Variants in CRISPLD2 observed in about 807,000 individuals in gnomAD.
CRISPLD2 encodes cysteine rich secretory protein LCCL domain containing 2, also known as cysteine-rich secretory protein LCCL domain-containing 2.
Under a neutral mutation model 71.1 loss-of-function variants are expected in CRISPLD2, and 47 were observed. That is an observed-to-expected ratio of 0.66 (90% confidence interval 0.52 to 0.84). CRISPLD2 has a LOEUF of 0.84. CRISPLD2 is among the 40% of genes least tolerant of loss of function. The pLI, the probability that CRISPLD2 is intolerant of heterozygous loss-of-function variation, is 0.00. For missense variants in CRISPLD2, 830 were observed against 651.1 expected, an observed-to-expected ratio of 1.27 and a Z score of -2.99; for synonymous variants, 317 against 250.1, an observed-to-expected ratio of 1.27 and a Z score of -2.52.
rs762870007 is a variant in CRISPLD2, at chr16:84,906,621, GA to G, written c.1474del (p.Ile492SerfsTer43). 1 of 1,613,898 alleles carries G rather than the reference GA, an allele frequency of 6.2e-7. No individual in the cohort carries two copies. The highest frequency in any genetic ancestry group is 1.1e-5 in the South Asian group (1 of 91,056). ...CTCCTCGGGATGGAAAGGCCTTCCG[GA>G]TCTTTGCTGTCAGGCAGTGAATTTC... ...GTPRDGKAFR[I>X]FAVRQ On this transcript the variant is annotated frameshift_variant, in exon 15 of 15. Transcript: ENST00000262424. LOFTEE classifies it high-confidence loss of function.
chr16:84,821,323 T>C (rs770377009), intron 1 of CRISPLD2, among the ~76,000 whole-genome samples: 12 of 152,208 alleles, frequency 7.9e-5, no homozygotes, highest in Non-Finnish European at 1.6e-4. Context: ...GATTTTCTGC[T>C]TCTGCCCCTG....
At chr16:84,831,957 T>C (rs1219503614) in intron 1 of CRISPLD2, among the ~76,000 whole-genome samples, 1 of 152,208 alleles carries the variant, frequency 6.6e-6, no homozygotes, top group Non-Finnish European at 1.5e-5. Context: ...CTGCTCTTGA[T>C]CTCCTGACCT....
chr16:84,877,455 T>A lies in CRISPLD2; in HGVS notation c.1174T>A (p.Tyr392Asn). The A allele has an allele frequency of 6.2e-7, 1 of 1,613,886 alleles. No homozygotes were observed. The highest frequency in any genetic ancestry group is 8.5e-7 in the Non-Finnish European group (1 of 1,179,824). ...SKVKVQDLDC[Y>N]TTVAQLCPFE... is the part of the protein sequence containing the mutation. Reference sequence around the variant, plus strand: ...GTTCACAGTGCAGGATTTGGACTGCTACACGACCGTTGCTCAGCTGTGCCC... The same window carrying A: ...GTTCACAGTGCAGGATTTGGACTGCAACACGACCGTTGCTCAGCTGTGCCC... The change falls in exon 12 of 15, where the codon TAC (tyrosine) becomes AAC (asparagine). Residue 392 changes from tyrosine (Y) to asparagine (N), a missense_variant. Tyr to Asn is a moderately radical substitution (Grantham distance 143). Transcript: ENST00000262424.
At chr16:84,837,038 C>T (rs904764427) in intron 1 of CRISPLD2, among the ~76,000 whole-genome samples, 3 of 152,202 alleles carry the variant, frequency 2.0e-5, no homozygotes, top group African/African-American at 7.2e-5. Flanking sequence ...ACAGAGTCCT[C>T]TTCATCTTCG....
intron 1 of CRISPLD2, among the ~76,000 whole-genome samples, chr16:84,825,274 G>T (rs760108971): frequency 3.4e-5 from 5 of 149,120 alleles, no homozygotes; most frequent in Admixed American, 6.7e-5. Flanking sequence ...TCAGAGTGGG[G>T]GCCAGCAGCC....
intron 13 of CRISPLD2, among the ~76,000 whole-genome samples, chr16:84,883,966 C>T (rs953914040): frequency 6.6e-5 from 10 of 151,808 alleles, no homozygotes; most frequent in Admixed American, 6.6e-4. Flanking sequence ...GTCCCAGCCT[C>T]CCGAGTAGCT....
chr16:84,892,901 A>C (rs570837382), intron 14 of CRISPLD2, among the ~76,000 whole-genome samples: 24 of 146,848 alleles, frequency 1.6e-4, no homozygotes, highest in Non-Finnish European at 3.3e-4. Context: ...GCTTGAAACC[A>C]GGAGGCGGAG....
intron 14 of CRISPLD2, among the ~76,000 whole-genome samples, chr16:84,892,528 C>T (rs562649491): frequency 4.6e-5 from 7 of 152,264 alleles, no homozygotes; most frequent in African/African-American, 1.4e-4. Flanking sequence ...AGATTCTCAG[C>T]GCTGAGTTGT....
intron 13 of CRISPLD2, among the ~76,000 whole-genome samples, chr16:84,886,585 G>C (rs571958961): frequency 3.5e-4 from 53 of 152,204 alleles, no homozygotes; most frequent in Non-Finnish European, 7.1e-4. Context: ...GGTTTTGGGA[G>C]GCCAAGGTGG....
intron 13 of CRISPLD2, among the ~76,000 whole-genome samples, chr16:84,887,544 A>ACTTAT (rs934244787): frequency 4.7e-4 from 72 of 152,290 alleles, no homozygotes; most frequent in African/African-American, 1.7e-3. Flanking sequence ...TTGTCCAGAC[A>ACTTAT]CTTATGGTGT....
At position 84,907,596 on chromosome 16, in the gene CRISPLD2, A is replaced by T. The variant is rs2071815254; in HGVS notation, c.*954A>T. On this transcript the variant is annotated 3_prime_UTR_variant, in exon 15 of 15. Coordinates refer to ENST00000262424, the MANE Select transcript of CRISPLD2 (RefSeq NM_031476.4). ...GTTCCACTGAGACGAGATGTCTGAGAACAACCAAAGAAGGCCTGCTCTTTG... is the reference window on the plus strand; with the variant it reads ...GTTCCACTGAGACGAGATGTCTGAGTACAACCAAAGAAGGCCTGCTCTTTG... The T allele has an allele frequency of 6.6e-6, 1 of 152,206 alleles. No individual in the cohort carries two copies. Among genetic ancestry groups the T allele is most frequent in the Non-Finnish European group, 1.5e-5 (1 of 68,040 alleles). The allele number at this position is 152,206 out of a possible 1,614,324, so 9.4% of individuals were successfully genotyped here.
intron 3 of CRISPLD2, 150 bp from the exon 4 acceptor site, chr16:84,849,235 C>T: frequency 5.2e-6 from 4 of 776,644 alleles, no homozygotes; most frequent in South Asian, 3.7e-5. Flanking sequence ...CTCGGCCTCC[C>T]TCCCTCCCGG....
At chr16:84,891,070 A>G (rs779920652) in intron 14 of CRISPLD2, among the ~76,000 whole-genome samples, 2 of 152,178 alleles carry the variant, frequency 1.3e-5, no homozygotes, top group African/African-American at 2.4e-5. Context: ...CTCGGCCGCC[A>G]TGATTATCTC....
At chr16:84,859,826 T>C (rs1345464763) in intron 6 of CRISPLD2, among the ~76,000 whole-genome samples, 1 of 152,234 alleles carries the variant, frequency 6.6e-6, no homozygotes, top group Non-Finnish European at 1.5e-5. Flanking sequence ...TTACTTTTGA[T>C]GGTTGAGTGC....
Position 84,872,472 on chromosome 16 carries a change from C to T in CRISPLD2, c.945C>T (p.His315=). 6.2e-7 allele frequency: 1 copy of T among 1,614,024 alleles called. No individual in the cohort carries two copies. Among genetic ancestry groups the T allele is most frequent in the East Asian group, 2.2e-5 (1 of 44,862 alleles). Residue 315 remains histidine (H), a synonymous_variant, in exon 9 of 15, where the codon CAC becomes CAT. Transcript: ENST00000262424. ...AGTGCCCAGCAGGCTGCCTGAACCA[C>T]AAGGCGAAGATCTTTGGAACTCTGT... is the stretch of plus-strand genomic sequence containing the variant. ...RYQCPAGCLN[H]KAKIFGTLFY...
chr16:84,844,863 T>C (rs1431188358), intron 2 of CRISPLD2, among the ~76,000 whole-genome samples: 3 of 152,178 alleles, frequency 2.0e-5, no homozygotes, highest in Non-Finnish European at 4.4e-5. Flanking sequence ...GCTGGGCATC[T>C]TGTAGGCTTC....
In CRISPLD2 at chr16:84,836,149, C is replaced by G. The variant is rs557536087; in HGVS notation, c.-74-2273C>G. The G allele has an allele frequency of 3.9e-5, 6 of 152,306 alleles. No individual in the cohort carries two copies. The East Asian group carries it at 1.2e-3, about 29-fold the overall frequency. 9.4% of individuals were successfully genotyped at this position (152,306 alleles called of 1,614,324 possible). On this transcript the variant is annotated intron_variant, in intron 1 of 14. Coordinates refer to ENST00000262424, the MANE Select transcript of CRISPLD2 (RefSeq NM_031476.4). ...TTCAGGCTACATGTATAAGGTGTAT[C>G]TCAAACATCAACAAATTTTGTGTTT... is the stretch of plus-strand genomic sequence containing the variant.
chr16:84,832,026 T>A (rs953873982), intron 1 of CRISPLD2, among the ~76,000 whole-genome samples: 1 of 152,262 alleles, frequency 6.6e-6, no homozygotes, highest in Non-Finnish European at 1.5e-5. Flanking sequence ...TGAGCCGCCA[T>A]GTCCAGCCGG....
intron 11 of CRISPLD2, 122 bp downstream of exon 11, chr16:84,874,085 TC>T: frequency 2.3e-6 from 2 of 882,072 alleles, no homozygotes; most frequent in Non-Finnish European, 3.5e-6. Flanking sequence ...ATGGTTCTCA[TC>T]ATTGTCAAGC....
Sources: allele counts gnomAD v4.1 joint callset (sites outside exome capture counted in the v4.1 genomes callset), GRCh38; gene constraint gnomAD v4.1.1; transcripts MANE v1.5; gene names NCBI Gene and HGNC (gene_info 2026-07-23, HGNC 2026-07-21).